Variants in AK5 observed in about 807,000 individuals in gnomAD.
The protein encoded by AK5 is adenylate kinase isoenzyme 5.
AK5 carries 27 observed loss-of-function variants against 69.5 expected under a neutral mutation model. That is an observed-to-expected ratio of 0.39 (90% CI 0.29 to 0.54). AK5 has a LOEUF of 0.54. Ranked by LOEUF, AK5 falls within the 20% of genes least tolerant of loss-of-function variation. The pLI is 0.71. For missense variants in AK5, 531 were observed against 700.4 expected (o/e 0.76, Z 2.73); for synonymous variants, 260 against 244.4 (o/e 1.06, Z -0.60).
Position 77,529,293 on chromosome 1 carries a change from T to C in AK5, c.1429-6554T>C, listed in dbSNP as rs147151923. On this transcript the variant is annotated intron_variant, in intron 12 of 13. Coordinates refer to ENST00000354567, the MANE Select transcript of AK5 (RefSeq NM_174858.3). ...TTACACATTTCATTTGATTAATTTTTACAGTCCTACTTAACAGGTGTTAGG... is the reference window on the plus strand; with the variant it reads ...TTACACATTTCATTTGATTAATTTTCACAGTCCTACTTAACAGGTGTTAGG... Among the ~76,000 whole-genome samples, 30 of 152,060 alleles carry C rather than the reference T, an allele frequency of 2.0e-4. No homozygotes were observed. The East Asian group carries it at 5.6e-3, about 28-fold the overall frequency.
At chr1:77,310,554 T>C (rs1193810868) in intron 5 of AK5, among the ~76,000 whole-genome samples, 1 of 151,974 alleles carries the variant, frequency 6.6e-6, no homozygotes, top group Non-Finnish European at 1.5e-5. Context: ...TAATTTTTTT[T>C]GTATTTTTAG....
intron 8 of AK5, among the ~76,000 whole-genome samples, chr1:77,431,806 T>A (rs185469760): frequency 6.6e-4 from 101 of 152,010 alleles, no homozygotes; most frequent in African/African-American, 2.2e-3. Flanking sequence ...TTCAGGGAGG[T>A]AAAGGAAGAC....
chr1:77,543,820 A>C (rs1199953786), intron 13 of AK5, among the ~76,000 whole-genome samples: 1 of 152,192 alleles, frequency 6.6e-6, no homozygotes, highest in Non-Finnish European at 1.5e-5. Flanking sequence ...AGGTAAGAGC[A>C]GGGACAATGG....
rs554863447 is a variant in AK5 at position 77,521,938 on chromosome 1, C to T, written c.1423C>T (p.Arg475Cys). ...GGTGAAGCAAGGGGAAGAGTTCGGA[C>T]GCAGGGTGAGTGGTTGTTACGGGCA... Reference protein sequence around the residue: ...REVKQGEEFGRRIGDPQLVIC... With the variant: ...REVKQGEEFGCRIGDPQLVIC... The change falls in exon 12 of 14, where the codon CGC (arginine) becomes TGC (cysteine). Residue 475 changes from arginine to cysteine, a missense_variant. Arg to Cys is a radical substitution (Grantham distance 180). Coordinates refer to ENST00000354567, the MANE Select transcript of AK5 (RefSeq NM_174858.3). The T allele has an allele frequency of 4.1e-5, 66 of 1,605,644 alleles. No homozygotes were observed. The highest frequency in any genetic ancestry group is 1.0e-4 in the Admixed American group (6 of 58,492).
chr1:77,317,071 G>A (rs182984862), intron 5 of AK5, among the ~76,000 whole-genome samples: 1 of 152,302 alleles, frequency 6.6e-6, no homozygotes, highest in East Asian at 1.9e-4. Flanking sequence ...TTTCAACTCA[G>A]CATCGCTTTT....
At chr1:77,375,072 C>G (rs546238782) in intron 6 of AK5, among the ~76,000 whole-genome samples, 1 of 152,094 alleles carries the variant, frequency 6.6e-6, no homozygotes, top group African/African-American at 2.4e-5. Flanking sequence ...CTCTCAATAA[C>G]GCTGTACTAT....
intron 8 of AK5, among the ~76,000 whole-genome samples, chr1:77,427,004 A>G (rs573941983): frequency 3.3e-5 from 5 of 152,166 alleles, no homozygotes; most frequent in Non-Finnish European, 7.4e-5. Context: ...AATTTATACA[A>G]TTGAATGGAT....
chr1:77,449,072 A>G (rs1374707162), intron 8 of AK5, among the ~76,000 whole-genome samples: 1 of 152,220 alleles, frequency 6.6e-6, no homozygotes, highest in African/African-American at 2.4e-5. Flanking sequence ...CAGAGCCCCT[A>G]CACAGAGTCC....
intron 6 of AK5, among the ~76,000 whole-genome samples, chr1:77,374,626 C>G (rs757897200): frequency 6.6e-6 from 1 of 151,760 alleles, no homozygotes; most frequent in African/African-American, 2.4e-5. Context: ...GCGAGACTAA[C>G]CTGAGAAGCA....
At position 77,295,347 on chromosome 1, in the gene AK5, G is replaced by T. The variant is rs190996636; in HGVS notation, c.415+1387G>T. Among the ~76,000 whole-genome samples, 13 of 152,284 alleles carry T rather than the reference G, an allele frequency of 8.5e-5. No individual in the cohort carries two copies. In the East Asian group the frequency reaches 2.3e-3, roughly 27 times the overall value. ...GAATTTAAGCTCACCAGACTAGAAGGAATGACATTTGTACATTTTAAAGTG... is the reference window on the plus strand; with the variant it reads ...GAATTTAAGCTCACCAGACTAGAAGTAATGACATTTGTACATTTTAAAGTG... On this transcript the variant is annotated intron_variant, in intron 3 of 13. Transcript: ENST00000354567.
intron 2 of AK5, among the ~76,000 whole-genome samples, chr1:77,289,788 G>A (rs1342920631): frequency 2.7e-5 from 4 of 149,608 alleles, no homozygotes; most frequent in South Asian, 4.3e-4. Flanking sequence ...GGGTGAACCC[G>A]GGAGGCGGAG....
chr1:77,477,963 C>A (rs1452377987), intron 8 of AK5, among the ~76,000 whole-genome samples: 1 of 152,112 alleles, frequency 6.6e-6, no homozygotes, highest in Non-Finnish European at 1.5e-5. Context: ...TTTTTAAAAA[C>A]CAAAACGGTT....
chr1:77,318,018 G>A (rs994633987), intron 5 of AK5, among the ~76,000 whole-genome samples: 3 of 152,332 alleles, frequency 2.0e-5, no homozygotes, highest in East Asian at 1.9e-4. Context: ...CAAGTGGTCT[G>A]TTGCGAATAA....
chr1:77,347,647 T>C (rs1661981770), intron 6 of AK5, among the ~76,000 whole-genome samples: 1 of 152,104 alleles, frequency 6.6e-6, no homozygotes, highest in African/African-American at 2.4e-5. Flanking sequence ...ATCTTTTGGA[T>C]AGAAAGGAAA....
intron 6 of AK5, among the ~76,000 whole-genome samples, chr1:77,387,457 G>A (rs1415592133): frequency 2.0e-5 from 3 of 152,150 alleles, no homozygotes; most frequent in African/African-American, 7.2e-5. Flanking sequence ...GCTTTGACCA[G>A]CATGAGTTAA....
At chr1:77,484,842 A>G (rs1655488809) in intron 9 of AK5, among the ~76,000 whole-genome samples, 1 of 152,246 alleles carries the variant, frequency 6.6e-6, no homozygotes, top group Admixed American at 6.5e-5. Flanking sequence ...TGTATATATC[A>G]CAACATAAAC....
intron 1 of AK5, chr1:77,283,072 G>C: frequency 2.0e-6 from 2 of 985,564 alleles, no homozygotes; most frequent in Non-Finnish European, 2.4e-6. Context: ...CGAGGGGGGC[G>C]GACTCCTGTT....
intron 8 of AK5, among the ~76,000 whole-genome samples, chr1:77,477,397 A>G (rs1377160432): frequency 6.6e-6 from 1 of 152,200 alleles, no homozygotes. Context: ...AACCCTTCCA[A>G]GAACTTACAC....
At chr1:77,311,567 C>T (rs561060744) in intron 5 of AK5, among the ~76,000 whole-genome samples, 2 of 152,140 alleles carry the variant, frequency 1.3e-5, no homozygotes, top group Admixed American at 6.5e-5. Context: ...TCATGGTAAA[C>T]ACTCAATAAA....
Sources: allele counts gnomAD v4.1 joint callset (sites outside exome capture counted in the v4.1 genomes callset), GRCh38; gene constraint gnomAD v4.1.1; transcripts MANE v1.5; gene names NCBI Gene and HGNC (gene_info 2026-07-23, HGNC 2026-07-21).